RALGDS: variants seen among roughly 807,000 people sequenced by gnomAD.
RALGDS encodes the protein ral guanine nucleotide exchange factor.
RALGDS carries 44 observed loss-of-function variants against 99.8 expected under a neutral mutation model. The observed-to-expected ratio is 0.44, with a 90% confidence interval of 0.35 to 0.57. RALGDS has a LOEUF of 0.57. Ranked by LOEUF, RALGDS falls within the 20% of genes least tolerant of loss-of-function variation. The pLI is 0.01. For missense variants in RALGDS, 1,022 were observed against 1,203.1 expected, an observed-to-expected ratio of 0.85 and a Z score of 2.23; for synonymous variants, 529 against 505.0, an observed-to-expected ratio of 1.05 and a Z score of -0.64.
chr9:133,099,647 CATACATATACACATATAT>C (rs1830662524), intron 17 of RALGDS: 2 of 6,592 alleles, frequency 3.0e-4, no homozygotes, highest in Non-Finnish European at 1.3e-3. Context: ...CACATATATA[CATACATATACACATATAT>C]ACATACATAT....
chr9:133,147,809 G>T (rs544458395), intron 1 of RALGDS, among the ~76,000 whole-genome samples: 6 of 152,220 alleles, frequency 3.9e-5, no homozygotes, highest in Non-Finnish European at 7.3e-5. Context: ...GGTCAAAGGA[G>T]CAGAACCTGC....
intron 1 of RALGDS, among the ~76,000 whole-genome samples, chr9:133,116,133 C>T (rs1831595953): frequency 3.3e-5 from 1 of 30,100 alleles, no homozygotes; most frequent in Admixed American, 4.5e-4. Flanking sequence ...GCAAGGGCCT[C>T]GTGTCCGTGT....
At chr9:133,106,960 G>C in intron 7 of RALGDS, 125 bp downstream of exon 7, 3 of 1,100,844 alleles carry the variant, frequency 2.7e-6, no homozygotes, top group Admixed American at 1.8e-5. Flanking sequence ...AGTGGGCTGG[G>C]AGAGTCAAGG....
rs1022805169 is a variant in RALGDS at position 133,144,626 on chromosome 9, C to T, written c.18+4337G>A. 6.6e-6 allele frequency among the ~76,000 whole-genome samples: 1 copy of T among 152,236 alleles called. No individual in the cohort carries two copies. The highest frequency in any genetic ancestry group is 2.4e-5 in the African/African-American group (1 of 41,456). On this transcript the variant is annotated intron_variant, in intron 1 of 17. Coordinates refer to the RALGDS transcript ENST00000393160. The surrounding 1 kb of genome is among the most constrained non-coding windows in gnomAD (Gnocchi z 4.5). ...CTGCTGGTGCTGCCGCCAGAGCGCGCCAAGCTGAGGAGCAGGCGGGCTCCG... is the reference window on the plus strand; with the variant it reads ...CTGCTGGTGCTGCCGCCAGAGCGCGTCAAGCTGAGGAGCAGGCGGGCTCCG...
At chr9:133,104,996 C>A (rs561269804) in intron 9 of RALGDS, among the ~76,000 whole-genome samples, 1 of 152,258 alleles carries the variant, frequency 6.6e-6, no homozygotes, top group Non-Finnish European at 1.5e-5. Context: ...TTGCCCTGGG[C>A]CCCCCAGGGA....
intron 1 of RALGDS, among the ~76,000 whole-genome samples, chr9:133,113,789 C>G (rs903433086): frequency 6.6e-6 from 1 of 152,224 alleles, no homozygotes; most frequent in Admixed American, 6.5e-5. Context: ...GAGTCTCTCT[C>G]TCTCCCAGGG....
intron 1 of RALGDS, among the ~76,000 whole-genome samples, chr9:133,147,993 C>T (rs140340431): frequency 3.0e-4 from 46 of 152,304 alleles, no homozygotes; most frequent in African/African-American, 1.1e-3. Flanking sequence ...CAGTCTTGTC[C>T]CACAAGAGTT....
chr9:133,101,087 G>T, intron 16 of RALGDS: 1 of 1,121,564 alleles, frequency 8.9e-7, no homozygotes, highest in South Asian at 2.3e-5. Flanking sequence ...TGACCCTGCT[G>T]GCCCCTTCCA....
At chr9:133,103,343 G>A (rs955406664) in intron 11 of RALGDS, 81 bp from the exon 12 acceptor site, 6 of 1,557,758 alleles carry the variant, frequency 3.9e-6, no homozygotes, top group Non-Finnish European at 5.3e-6. Context: ...GCACTATCAA[G>A]AGTGCCCACC....
At chr9:133,102,652 G>A (rs1338039806) in intron 13 of RALGDS, 81 bp from the exon 14 acceptor site, 88 of 1,604,024 alleles carry the variant, frequency 5.5e-5, no homozygotes, top group South Asian at 2.0e-4. Flanking sequence ...AGCTGGAGTC[G>A]GGGTGCCCCG....
rs1412384078 is a variant in RALGDS, at chr9:133,097,748, AT to A, written c.*838del. On this transcript the variant is annotated 3_prime_UTR_variant, in exon 18 of 18. Coordinates refer to ENST00000372050, the MANE Select transcript of RALGDS (RefSeq NM_006266.4). ...AGTAGAAACAGGATTTTAATATAAT[AT>A]TCAAGTCTAGCATTTGCTATTTACA... 4.7e-5 allele frequency: 10 copies of A among 210,810 alleles called. No homozygotes were observed. Among genetic ancestry groups the A allele is most frequent in the African/African-American group, 6.8e-5 (3 of 44,022 alleles). 13.1% of individuals were successfully genotyped at this position (210,810 alleles called of 1,614,324 possible).
chr9:133,105,841 CCG>C lies in RALGDS; in HGVS notation c.1602+89_1602+90del. ...GCCGCCCCAGCCCCCGCCCCAGCCC[CCG>C]CCCCAGCCCCCGCCCCAGCCCCAGC... On this transcript the variant is annotated intron_variant, in intron 9 of 17. Transcript: ENST00000372050. 1.1e-3 allele frequency: 85 copies of C among 79,872 alleles called. 1 individual carries two copies. Among genetic ancestry groups the C allele is most frequent in the Middle Eastern group, 5.6e-3 (1 of 180 alleles). The allele number at this position is 79,872 out of a possible 1,614,324, so 4.9% of individuals were successfully genotyped here. A position where few individuals can be genotyped will look rare whatever the true frequency, so the allele number is the denominator to read the frequency against.
intron 2 of RALGDS, among the ~76,000 whole-genome samples, chr9:133,110,971 G>GGT (rs1202489347): frequency 1.3e-5 from 2 of 152,154 alleles, no homozygotes; most frequent in East Asian, 3.9e-4. Context: ...GGGGAACTGA[G>GGT]GTGAGAAGAT....
chr9:133,102,234 C>A, intron 14 of RALGDS, 95 bp from the exon 15 acceptor site: 1 of 1,360,956 alleles, frequency 7.3e-7, no homozygotes, highest in Non-Finnish European at 1.0e-6. Flanking sequence ...GTGCAAAGTG[C>A]TGGGACAGTT....
intron 7 of RALGDS, 116 bp downstream of exon 7, chr9:133,106,969 G>A (rs1831095351): frequency 3.3e-6 from 4 of 1,204,220 alleles, no homozygotes; most frequent in Non-Finnish European, 4.8e-6. Context: ...GGAGAGTCAA[G>A]GCCAGCATGC....
intron 1 of RALGDS, chr9:133,129,226 G>A (rs761568158): frequency 1.9e-5 from 31 of 1,597,088 alleles, no homozygotes; most frequent in Admixed American, 3.3e-5. Flanking sequence ...TTCTCCTGGC[G>A]GTCACCACAG....
At chr9:133,120,428 A>ACCCCCCCCC (rs71378548) in intron 1 of RALGDS, among the ~76,000 whole-genome samples, 22 of 59,986 alleles carry the variant, frequency 3.7e-4, no homozygotes, top group East Asian at 6.6e-4. Context: ...CCATCCCCCG[A>ACCCCCCCCC]CCCCCCCCCC....
At chr9:133,103,429 T>C (rs1283473798) in intron 11 of RALGDS, among the ~76,000 whole-genome samples, 167 bp from the exon 12 acceptor site, 1 of 152,076 alleles carries the variant, frequency 6.6e-6, no homozygotes, top group Non-Finnish European at 1.5e-5. Context: ...GGGCAGAGGC[T>C]TGGGGACTTC....
At chr9:133,140,343 G>A (rs969211114) in intron 1 of RALGDS, among the ~76,000 whole-genome samples, 8 of 152,192 alleles carry the variant, frequency 5.3e-5, no homozygotes, top group Non-Finnish European at 1.0e-4. Context: ...CCAGAGGTGG[G>A]GGAAGTTCCT....
Sources: gnomAD v4.1 joint callset for allele counts (sites outside exome capture counted in the v4.1 genomes callset) on GRCh38, gnomAD v4.1.1 for gene constraint, Gnocchi (gnomAD v3.1) non-coding constraint, MANE v1.5 for transcripts, NCBI Gene and HGNC (gene_info 2026-07-23, HGNC 2026-07-21) for gene names.